Variants in SHANK2 observed in about 807,000 individuals in gnomAD.
SHANK2 encodes SH3 and multiple ankyrin repeat domains protein 2.
A neutral mutation model predicts 133.7 loss-of-function variants in SHANK2; 43 were observed. That is an observed-to-expected ratio of 0.32 (90% CI 0.25 to 0.41). SHANK2 has a LOEUF of 0.41. Ranked by LOEUF, SHANK2 falls within the 10% of genes least tolerant of loss-of-function variation. SHANK2 has a pLI of 1.00. For synonymous variants in SHANK2, 1,017 were observed against 952.8 expected, an observed-to-expected ratio of 1.07 and a Z score of -1.24; for missense variants, 1,994 against 2,235.8, an observed-to-expected ratio of 0.89 and a Z score of 2.18.
intron 6 of SHANK2, among the ~76,000 whole-genome samples, chr11:71,098,210 T>A (rs527758326): frequency 6.6e-6 from 1 of 151,804 alleles, no homozygotes; most frequent in Admixed American, 6.5e-5. Context: ...TGCCTGTGCG[T>A]GTGCATGCCT....
In SHANK2 at chr11:70,486,778, G is replaced by A; in HGVS notation, c.3515C>T (p.Pro1172Leu). 6.2e-7 allele frequency: 1 copy of A among 1,611,680 alleles called. No individual in the cohort carries two copies. Among genetic ancestry groups the A allele is most frequent in the Non-Finnish European group, 8.5e-7 (1 of 1,179,928 alleles). The part of the protein sequence containing the change: ...EASAPGEAGR[P>L]LNSTSKAQGP... The stretch of plus-strand genomic sequence containing the variant: ...CTGGGCTTTGGACGTGGAATTCAGC[G>A]GCCTCCCAGCCTCACCCGGAGCACT... The change falls in exon 25 of 26, where the codon CCG becomes CTG. Residue 1172 changes from proline to leucine, a missense_variant. Physicochemically the swap from Pro to Leu is moderately conservative, Grantham distance 98. Transcript: ENST00000601538. This position sits in a 1 kb window ranked among gnomAD's most constrained non-coding sequence, Gnocchi z 8.0.
At chr11:70,874,668 A>AT (rs1215539131) in intron 11 of SHANK2, among the ~76,000 whole-genome samples, 3 of 123,704 alleles carry the variant, frequency 2.4e-5, no homozygotes, top group East Asian at 4.7e-4. Flanking sequence ...GCATATCTGC[A>AT]TTTACTAAAA....
At chr11:70,879,711 G>A (rs2135574309) in intron 11 of SHANK2, among the ~76,000 whole-genome samples, 1 of 152,320 alleles carries the variant, frequency 6.6e-6, no homozygotes, top group South Asian at 2.1e-4. Context: ...GGCCATGCGG[G>A]GCCCCCCTCC....
At chr11:70,587,907 G>T (rs781864039) in intron 17 of SHANK2, among the ~76,000 whole-genome samples, 12 of 152,030 alleles carry the variant, frequency 7.9e-5, no homozygotes, top group African/African-American at 2.9e-4. Context: ...TTTTCCAATA[G>T]CATGTGCTCA....
intron 11 of SHANK2, among the ~76,000 whole-genome samples, chr11:70,887,546 C>T (rs1233394110): frequency 3.9e-5 from 6 of 152,026 alleles, no homozygotes; most frequent in South Asian, 4.1e-4. Context: ...TTCATCACCT[C>T]ACAGTGTTCA....
At chr11:70,938,708 C>T (rs562699787) in intron 10 of SHANK2, among the ~76,000 whole-genome samples, 2 of 152,174 alleles carry the variant, frequency 1.3e-5, no homozygotes, top group African/African-American at 4.8e-5. Flanking sequence ...GAGAGGGAAG[C>T]CCAGGAGCTG....
At chr11:70,953,293 T>C (rs1213387446) in intron 10 of SHANK2, among the ~76,000 whole-genome samples, 1 of 151,404 alleles carries the variant, frequency 6.6e-6, no homozygotes, top group Non-Finnish European at 1.5e-5. Flanking sequence ...ACAGAACTGA[T>C]AGGATACATT....
intron 2 of SHANK2, among the ~76,000 whole-genome samples, chr11:71,214,614 C>A (rs1954362933): frequency 6.6e-6 from 1 of 152,242 alleles, no homozygotes; most frequent in Admixed American, 6.5e-5. Flanking sequence ...GGTCCCACTG[C>A]TGTCTCAGCA....
At position 71,175,837 on chromosome 11, in the gene SHANK2, G is replaced by A. The variant is rs568926810; in HGVS notation, c.-12-28499C>T. Among the ~76,000 whole-genome samples the A allele has an allele frequency of 3.9e-5, 6 of 152,308 alleles. No homozygotes were observed. Among genetic ancestry groups the A allele is most frequent in the African/African-American group, 1.4e-4 (6 of 41,556 alleles). On this transcript the variant is annotated intron_variant, in intron 2 of 25. Transcript: ENST00000601538. The surrounding 1 kb of genome is among the most constrained non-coding windows in gnomAD (Gnocchi z 4.2). ...GTTTCCAGACCATGCTGCAAGCAAG[G>A]ACCACCCAGGCAAACTCCCAGAGTG... is the stretch of plus-strand genomic sequence containing the variant.
intron 17 of SHANK2, among the ~76,000 whole-genome samples, chr11:70,551,352 G>A (rs1215292210): frequency 1.1e-5 from 1 of 93,980 alleles, no homozygotes; most frequent in Non-Finnish European, 2.1e-5. Flanking sequence ...ATCTCCACCC[G>A]GCCAGTCTGA....
intron 1 of SHANK2, among the ~76,000 whole-genome samples, chr11:71,225,418 TC>T (rs755675038): frequency 2.1e-4 from 32 of 152,118 alleles, no homozygotes; most frequent in Non-Finnish European, 4.3e-4. Context: ...CTCCTTTCAC[TC>T]CGGCATTAGT....
rs781801712 is a variant in SHANK2 at position 70,798,512 on chromosome 11, C to T, written c.1708G>A (p.Gly570Ser). The T allele has an allele frequency of 1.4e-5, 10 of 718,464 alleles. No homozygotes were observed. The highest frequency in any genetic ancestry group is 7.0e-5 in the African/African-American group (4 of 57,258). The allele number at this position is 718,464 out of a possible 1,614,324, so 44.5% of individuals were successfully genotyped here. Residue 570 changes from glycine to serine, a missense_variant, in exon 14 of 26, where the codon GGC (glycine) becomes AGC (serine). This residue lies in a region of SHANK2 where 653 missense variants were observed against 563.4 expected (regional missense o/e 1.16). Transcript: ENST00000601538. Reference sequence around the variant, plus strand: ...TCCGCCGGAAACCATCCGATGTGGCCGCGGGCGCTGCCTTCCCAGAAGCCC... The same window carrying T: ...TCCGCCGGAAACCATCCGATGTGGCTGCGGGCGCTGCCTTCCCAGAAGCCC... ...EGGFWEGSAR[G>S]HIGWFPAECV...
chr11:70,526,204 G>A (rs1343444951), intron 17 of SHANK2, among the ~76,000 whole-genome samples: 1 of 152,182 alleles, frequency 6.6e-6, no homozygotes, highest in African/African-American at 2.4e-5. Flanking sequence ...TGATTCTCTA[G>A]CAGCTAAGCA....
intron 17 of SHANK2, among the ~76,000 whole-genome samples, chr11:70,533,215 T>G (rs1554973556): frequency 6.6e-6 from 1 of 152,180 alleles, no homozygotes; most frequent in East Asian, 1.9e-4. Context: ...TGTACACTTT[T>G]GAATGGTGAA....
At chr11:70,920,150 A>G (rs1555080486) in intron 10 of SHANK2, among the ~76,000 whole-genome samples, 1 of 152,270 alleles carries the variant, frequency 6.6e-6, no homozygotes, top group African/African-American at 2.4e-5. Flanking sequence ...TGCATACAGC[A>G]TAATTATCAG....
Position 70,503,998 on chromosome 11 carries a change from C to A in SHANK2, c.2062-1067G>T, listed in dbSNP as rs118059463. Among the ~76,000 whole-genome samples the A allele has an allele frequency of 2.8e-4, 43 of 152,344 alleles. No individual in the cohort carries two copies. In the East Asian group the frequency reaches 7.3e-3, roughly 26 times the overall value. On this transcript the variant is annotated intron_variant, in intron 17 of 25. Transcript: ENST00000601538. ...CAGGGGGCCTCTGGCACCTTCATCC[C>A]AGCAGCTCCTGAATGGGAGCGCAGC...
chr11:70,743,495 C>T (rs1285865380), intron 14 of SHANK2, among the ~76,000 whole-genome samples: 1 of 152,212 alleles, frequency 6.6e-6, no homozygotes, highest in Non-Finnish European at 1.5e-5. Context: ...GTTGTTTGAG[C>T]CACACAGTCT....
At chr11:71,156,776 C>T (rs557115922) in intron 2 of SHANK2, among the ~76,000 whole-genome samples, 43 of 152,286 alleles carry the variant, frequency 2.8e-4, no homozygotes, top group Non-Finnish European at 4.3e-4. Context: ...AAGGGGTAAA[C>T]GCAGCATTTC....
chr11:71,208,445 C>G (rs1954176989), intron 2 of SHANK2, among the ~76,000 whole-genome samples: 1 of 152,228 alleles, frequency 6.6e-6, no homozygotes, highest in African/African-American at 2.4e-5. Context: ...CCCGATGCTG[C>G]TTTCCAAATC....
Sources: allele counts gnomAD v4.1 joint callset (sites outside exome capture counted in the v4.1 genomes callset), GRCh38; gene constraint gnomAD v4.1.1; regional missense constraint gnomAD v4.1.1; non-coding constraint Gnocchi (gnomAD v3.1); transcripts MANE v1.5; gene names NCBI Gene and HGNC (gene_info 2026-07-23, HGNC 2026-07-21).